The following CFAP299 variants were observed in gnomAD, a reference collection of about 807,000 sequenced individuals.
CFAP299 encodes cilia and flagella associated protein 299, also known as cilia- and flagella-associated protein 299.
A neutral mutation model predicts 27.0 loss-of-function variants in CFAP299; 21 were observed. The ratio of observed to expected loss-of-function variants is 0.78; its 90% CI spans 0.55 to 1.12. The LOEUF (loss-of-function observed/expected upper bound fraction) is 1.12, where lower values mean the gene tolerates loss of function less well. Ranked by LOEUF, CFAP299 falls within the 50% of genes most tolerant of loss-of-function variation. CFAP299 has a pLI of 0.00. For missense variants in CFAP299, 310 were observed against 276.6 expected (o/e 1.12, Z -0.86); for synonymous variants, 104 against 98.1 (o/e 1.06, Z -0.36).
At chr4:80,605,207 G>A (rs190208552) in intron 3 of CFAP299, among the ~76,000 whole-genome samples, 6 of 152,094 alleles carry the variant, frequency 3.9e-5, no homozygotes, top group Admixed American at 2.6e-4. Flanking sequence ...GAGAGTGAGA[G>A]GTAGATGATT....
In CFAP299 at chr4:80,560,664, T is replaced by C. The variant is rs577464301; in HGVS notation, c.243-22429T>C. On this transcript the variant is annotated intron_variant, in intron 2 of 5. Coordinates refer to ENST00000358105, the MANE Select transcript of CFAP299 (RefSeq NM_152770.3). Reference sequence around the variant, plus strand: ...ACCGTGACCCTTAAGAGAACATCAGTGGTAGTCTGGCAGTACTCCACAGGG... The same window carrying C: ...ACCGTGACCCTTAAGAGAACATCAGCGGTAGTCTGGCAGTACTCCACAGGG... Among the ~76,000 whole-genome samples, 89 of 152,114 alleles carry C rather than the reference T, an allele frequency of 5.9e-4. 1 individual carries two copies. Among genetic ancestry groups the C allele is most frequent in the African/African-American group, 2.0e-3 (82 of 41,522 alleles).
intron 2 of CFAP299, among the ~76,000 whole-genome samples, chr4:80,424,305 G>T (rs1727434251): frequency 6.6e-6 from 1 of 152,216 alleles, no homozygotes; most frequent in Non-Finnish European, 1.5e-5. Context: ...TCTAGGAATG[G>T]AGTGATTGTG....
At chr4:80,348,508 A>C (rs140532981) in intron 1 of CFAP299, among the ~76,000 whole-genome samples, 2 of 152,354 alleles carry the variant, frequency 1.3e-5, no homozygotes, top group East Asian at 3.9e-4. Context: ...GTAGACATTC[A>C]TGCAGCCAAC....
At chr4:80,743,474 T>G (rs1035023748) in intron 3 of CFAP299, among the ~76,000 whole-genome samples, 1 of 152,178 alleles carries the variant, frequency 6.6e-6, no homozygotes, top group African/African-American at 2.4e-5. Context: ...TTAATATATG[T>G]GGATAAATGA....
chr4:80,322,530 T>A, the CFAP299 span, among the ~76,000 whole-genome samples: 2 of 152,150 alleles, frequency 1.3e-5, no homozygotes, highest in Non-Finnish European at 2.9e-5. Context: ...CTTTTTTTTT[T>A]CTCTTAAATA....
chr4:80,532,035 C>T (rs1578561631), intron 2 of CFAP299, among the ~76,000 whole-genome samples: 1 of 152,050 alleles, frequency 6.6e-6, no homozygotes, highest in East Asian at 1.9e-4. Context: ...GGATTACAGG[C>T]GTGAGCCACT....
intron 4 of CFAP299, chr4:80,871,119 C>T (rs992370745): frequency 7.7e-5 from 50 of 645,780 alleles, no homozygotes; most frequent in Non-Finnish European, 9.6e-5. Flanking sequence ...ATTGGTCAAG[C>T]TGGTCTCAAA....
chr4:80,508,650 C>T (rs2110160650), intron 2 of CFAP299, among the ~76,000 whole-genome samples: 2 of 152,228 alleles, frequency 1.3e-5, no homozygotes, highest in South Asian at 4.1e-4. Context: ...CCTTGACCTT[C>T]CAGGCTTAAG....
intron 3 of CFAP299, among the ~76,000 whole-genome samples, chr4:80,717,242 G>A (rs562438401): frequency 6.6e-6 from 1 of 152,102 alleles, no homozygotes; most frequent in Non-Finnish European, 1.5e-5. Flanking sequence ...ACTTAGAGGA[G>A]TATCTGACCT....
intron 4 of CFAP299, among the ~76,000 whole-genome samples, chr4:80,923,720 G>A (rs539900299): frequency 3.9e-5 from 6 of 151,932 alleles, no homozygotes; most frequent in Non-Finnish European, 5.9e-5. Flanking sequence ...AGGGCTCTTT[G>A]TCTTTCCTTG....
rs146854304 is a variant in CFAP299 at position 80,542,556 on chromosome 4, T to C, written c.243-40537T>C. ...GAACAACTCCTGTGGAAGAGGTGGC[T>C]CTGACCTATGTTAGCTGCCAGACCT... On this transcript the variant is annotated intron_variant, in intron 2 of 5. Transcript: ENST00000358105. 6.0e-4 allele frequency among the ~76,000 whole-genome samples: 91 copies of C among 152,214 alleles called. No individual in the cohort carries two copies. The East Asian group carries it at 0.017, about 28-fold the overall frequency.
chr4:80,603,637 A>G (rs1737485882), intron 3 of CFAP299, among the ~76,000 whole-genome samples: 1 of 152,230 alleles, frequency 6.6e-6, no homozygotes, highest in Non-Finnish European at 1.5e-5. Flanking sequence ...GGACTTATGT[A>G]TGAAAATATT....
chr4:80,725,528 A>C (rs977481380), intron 3 of CFAP299, among the ~76,000 whole-genome samples: 2 of 152,104 alleles, frequency 1.3e-5, no homozygotes, highest in Non-Finnish European at 2.9e-5. Flanking sequence ...GGTGAATCTC[A>C]CCATGGGGGT....
intron 3 of CFAP299, among the ~76,000 whole-genome samples, chr4:80,647,490 A>G (rs4146322): frequency 0.88 from 132,945 of 151,844 alleles, 58,574 homozygotes; most frequent in East Asian, 1. Flanking sequence ...GTATAATAGA[A>G]AGTCTCTGAA....
chr4:80,654,793 T>TC (rs1156858177), intron 3 of CFAP299, among the ~76,000 whole-genome samples: 1 of 150,800 alleles, frequency 6.6e-6, no homozygotes, highest in African/African-American at 2.4e-5. Flanking sequence ...ACTTTTTTTT[T>TC]TTTTTTTTTT....
chr4:80,657,889 C>T (rs563028179), intron 3 of CFAP299, among the ~76,000 whole-genome samples: 1 of 152,170 alleles, frequency 6.6e-6, no homozygotes, highest in African/African-American at 2.4e-5. Flanking sequence ...TGGTTTGTGT[C>T]CTCTCAAATA....
intron 3 of CFAP299, among the ~76,000 whole-genome samples, chr4:80,684,319 A>C (rs1214513037): frequency 6.6e-6 from 1 of 151,606 alleles, no homozygotes; most frequent in East Asian, 1.9e-4. Context: ...GGCTGAGTGC[A>C]GTGGTGCGAT....
chr4:80,418,430 A>C (rs905764271), intron 2 of CFAP299, among the ~76,000 whole-genome samples: 4 of 152,046 alleles, frequency 2.6e-5, no homozygotes, highest in African/African-American at 9.7e-5. Context: ...TTTGAGTACA[A>C]TGTGAAAAGA....
chr4:80,905,723 G>A lies in CFAP299; in HGVS notation c.476+35588G>A, dbSNP rs113562769. Among the ~76,000 whole-genome samples, 3 of 152,164 alleles carry A rather than the reference G, an allele frequency of 2.0e-5. 1 individual carries two copies. The highest frequency in any genetic ancestry group is 7.2e-5 in the African/African-American group (3 of 41,524). ...AGTAAGAAGAAGTGCAGAGCAAAGG[G>A]GAAAAAGCCACTTATAAAATCATCA... On this transcript the variant is annotated intron_variant, in intron 4 of 5. Coordinates refer to ENST00000358105, the MANE Select transcript of CFAP299 (RefSeq NM_152770.3).
Sources: allele counts gnomAD v4.1 joint callset (sites outside exome capture counted in the v4.1 genomes callset), GRCh38; gene constraint gnomAD v4.1.1; transcripts MANE v1.5; gene names NCBI Gene and HGNC (gene_info 2026-07-23, HGNC 2026-07-21).